The following B4GALT6 variants were observed in gnomAD, a reference collection of about 807,000 sequenced individuals.
The protein encoded by B4GALT6 is beta-1,4-galactosyltransferase 6, also known as UDP-Gal:beta-GlcNAc beta-1,4-galactosyltransferase 6.
B4GALT6 carries 14 observed loss-of-function variants against 46.3 expected under a neutral mutation model. The ratio of observed to expected loss-of-function variants is 0.30; its 90% CI spans 0.20 to 0.47. The LOEUF is 0.47. Among genes scored for constraint, B4GALT6 ranks in the 20% least tolerant of loss-of-function variants. The pLI is 0.99. For missense variants in B4GALT6, 386 were observed against 480.1 expected (o/e 0.80, Z 1.83); for synonymous variants, 168 against 162.0 (o/e 1.04, Z -0.28).
intron 1 of B4GALT6, among the ~76,000 whole-genome samples, chr18:31,671,384 T>C (rs2074355558): frequency 6.6e-6 from 1 of 152,200 alleles, no homozygotes; most frequent in South Asian, 2.1e-4. Context: ...GTGTTCCTAT[T>C]TTTCCACAAC....
At chr18:31,713,439 T>C in the B4GALT6 span, among the ~76,000 whole-genome samples, 4 of 152,200 alleles carry the variant, frequency 2.6e-5, 1 homozygote, top group Admixed American at 2.6e-4. Flanking sequence ...CATTAGGGCT[T>C]CATAATAGCA....
chr18:31,715,422 T>C, the B4GALT6 span, among the ~76,000 whole-genome samples: 1 of 151,382 alleles, frequency 6.6e-6, no homozygotes, highest in Non-Finnish European at 1.5e-5. Flanking sequence ...AGAGATGGGG[T>C]CTCACTATAT....
chr18:31,627,084 G>A lies in B4GALT6; in HGVS notation c.814C>T (p.Leu272=), dbSNP rs1216631017. The change falls in exon 7 of 9, where the codon CTG becomes TTG. Residue 272 remains leucine (L), a synonymous_variant. Transcript: ENST00000306851. ...YKEFFGGVSG[L]TVEQFRKING... ...ATCTTTCTAAATTGTTCCACTGTCA[G>A]CCCACTTACACCACCAAAAAATTCT... The A allele has an allele frequency of 1.2e-6, 2 of 1,609,868 alleles. No homozygotes were observed. The highest frequency in any genetic ancestry group is 8.5e-7 in the Non-Finnish European group (1 of 1,178,140).
intron 1 of B4GALT6, among the ~76,000 whole-genome samples, chr18:31,678,557 A>C (rs961427188): frequency 9.9e-5 from 15 of 152,212 alleles, no homozygotes; most frequent in African/African-American, 3.4e-4. Context: ...TAAGGTGTAC[A>C]TTTCAGCTCT....
At position 31,666,239 on chromosome 18, in the gene B4GALT6, G is replaced by C; in HGVS notation, c.232+17C>G. 8.4e-6 allele frequency: 12 copies of C among 1,424,928 alleles called. No homozygotes were observed. Among genetic ancestry groups the C allele is most frequent in the Non-Finnish European group, 1.1e-5 (11 of 1,027,850 alleles). The allele number at this position is 1,424,928 out of a possible 1,614,324, so 88.3% of individuals were successfully genotyped here. On this transcript the variant is annotated intron_variant, in intron 2 of 8. Coordinates refer to ENST00000306851, the MANE Select transcript of B4GALT6 (RefSeq NM_004775.5). ...CTGCTTTGTAACTACAAGGGGTTAA[G>C]CAGGAAGTAGTCTTACCTGTACCGT...
At chr18:31,704,951 A>G in the B4GALT6 span, among the ~76,000 whole-genome samples, 1 of 152,234 alleles carries the variant, frequency 6.6e-6, no homozygotes, top group Non-Finnish European at 1.5e-5. Context: ...TTAATATTCT[A>G]TCTACCTACC....
At chr18:31,699,918 C>G in the B4GALT6 span, among the ~76,000 whole-genome samples, 2,723 of 152,178 alleles carry the variant, frequency 0.018, 97 homozygotes, top group African/African-American at 0.062. Context: ...GCTGATTAGT[C>G]AAGTAATAGA....
intron 4 of B4GALT6, among the ~76,000 whole-genome samples, chr18:31,641,090 T>G (rs2073925332): frequency 6.6e-6 from 1 of 152,190 alleles, no homozygotes; most frequent in Admixed American, 6.5e-5. Flanking sequence ...TTAAGGCCAA[T>G]TACAGATATT....
chr18:31,701,368 G>A, the B4GALT6 span, among the ~76,000 whole-genome samples: 2 of 152,096 alleles, frequency 1.3e-5, no homozygotes, highest in Admixed American at 6.5e-5. Flanking sequence ...ATCTCCTGAG[G>A]CCTCCCTAGA....
At chr18:31,640,673 T>A (rs1239211907) in intron 4 of B4GALT6, among the ~76,000 whole-genome samples, 2 of 152,194 alleles carry the variant, frequency 1.3e-5, no homozygotes, top group Non-Finnish European at 2.9e-5. Context: ...ATAACGTCTC[T>A]CTTGGCTCAG....
chr18:31,640,599 G>C (rs1435735490), intron 4 of B4GALT6, among the ~76,000 whole-genome samples: 3 of 152,154 alleles, frequency 2.0e-5, no homozygotes, highest in African/African-American at 7.2e-5. Flanking sequence ...CAAATGGTAG[G>C]AACTAAAGAG....
chr18:31,658,113 CAAA>C (rs67738912), intron 2 of B4GALT6, 24 bp from the exon 3 acceptor site: 1,843 of 1,239,300 alleles, frequency 1.5e-3, no homozygotes, highest in South Asian at 4.6e-3. Flanking sequence ...AAAAGAGTTA[CAAA>C]AAAAAAAAAA....
the B4GALT6 span, among the ~76,000 whole-genome samples, chr18:31,717,260 T>C: frequency 3.9e-5 from 6 of 152,186 alleles, no homozygotes; most frequent in African/African-American, 1.4e-4. Context: ...TTAATGAAGC[T>C]GTTAAAAAAT....
At chr18:31,688,059 C>T (rs1206782436), upstream of B4GALT6, among the ~76,000 whole-genome samples, 2 of 151,888 alleles carry the variant, frequency 1.3e-5, no homozygotes, top group Non-Finnish European at 2.9e-5. Flanking sequence ...ATGTTACAAT[C>T]ACTGATTAAA....
chr18:31,666,667 T>C (rs976018107), intron 1 of B4GALT6, among the ~76,000 whole-genome samples: 1 of 152,198 alleles, frequency 6.6e-6, no homozygotes, highest in Non-Finnish European at 1.5e-5. Context: ...TTTTCTACTA[T>C]AAAATATACT....
chr18:31,641,883 A>G (rs535437511), intron 4 of B4GALT6, among the ~76,000 whole-genome samples: 1 of 152,108 alleles, frequency 6.6e-6, no homozygotes. Flanking sequence ...AATTTCTCCC[A>G]CCAAGTTTCT....
At chr18:31,635,252 A>G (rs1359902512) in intron 5 of B4GALT6, among the ~76,000 whole-genome samples, 2 of 151,890 alleles carry the variant, frequency 1.3e-5, no homozygotes, top group Non-Finnish European at 2.9e-5. Context: ...CAAACAAAAA[A>G]AAAAAAAACC....
chr18:31,722,292 A>AAC, the B4GALT6 span, among the ~76,000 whole-genome samples: 2 of 152,034 alleles, frequency 1.3e-5, no homozygotes, highest in East Asian at 1.9e-4. Context: ...TTGTATACAC[A>AAC]ACACACACAC....
chr18:31,723,206 C>T, the B4GALT6 span, among the ~76,000 whole-genome samples: 1 of 151,936 alleles, frequency 6.6e-6, no homozygotes, highest in South Asian at 2.1e-4. Flanking sequence ...TATAATAGAT[C>T]CCTTTTATTG....
Sources: gnomAD v4.1 joint callset for allele counts (sites outside exome capture counted in the v4.1 genomes callset) on GRCh38, gnomAD v4.1.1 for gene constraint, MANE v1.5 for transcripts, NCBI Gene and HGNC (gene_info 2026-07-23, HGNC 2026-07-21) for gene names.